Variants in HSPD1 observed in about 807,000 individuals in gnomAD.
HSPD1 encodes the protein 60 kDa heat shock protein, mitochondrial.
HSPD1 carries 3 observed loss-of-function variants against 53.0 expected under a neutral mutation model. The ratio of observed to expected loss-of-function variants is 0.06; its 90% CI spans 0.03 to 0.15. The LOEUF (loss-of-function observed/expected upper bound fraction) is 0.15. Ranked by LOEUF, HSPD1 falls within the 10% of genes least tolerant of loss-of-function variation. The pLI is 1.00. For synonymous variants in HSPD1, 200 were observed against 228.0 expected (o/e 0.88, Z 1.10); for missense variants, 431 against 694.1 (o/e 0.62, Z 4.26).
At chr2:197,498,950 G>A (rs917648233) in intron 1 of HSPD1, 100 bp from the exon 2 acceptor site, 2 of 1,070,976 alleles carry the variant, frequency 1.9e-6, no homozygotes. Context: ...GTGAGATGCT[G>A]AGCCTGGCTG....
Position 197,499,439 on chromosome 2 carries a change from C to G in HSPD1, c.-3+343G>C, listed in dbSNP as rs554812963. On this transcript the variant is annotated intron_variant, in intron 1 of 11. Transcript: ENST00000388968. ...ACTGGAGGCGCGGTATCCCAGCTGC[C>G]TGCGGGGGAAAAAAGCGGTTCCCTC... 1.9e-5 allele frequency: 3 copies of G among 154,988 alleles called. No homozygotes were observed. The East Asian group carries it at 5.7e-4, about 30-fold the overall frequency. The allele number at this position is 154,988 out of a possible 1,614,324, so 9.6% of individuals were successfully genotyped here.
intron 8 of HSPD1, among the ~76,000 whole-genome samples, chr2:197,489,777 C>T (rs2086068630): frequency 6.6e-6 from 1 of 151,934 alleles, no homozygotes; most frequent in South Asian, 2.1e-4. Flanking sequence ...ATTGCTTGAA[C>T]CCAGAAGGTG....
Position 197,498,692 on chromosome 2 carries a change from C to A in HSPD1, c.157G>T (p.Val53Phe), listed in dbSNP as rs907548220. ...ACTGGTACCTTTGGCCCCATTGTAA[C>A]GGCCACAGCATCGGCTAAAAGGTCT... The part of the protein sequence containing the change: ...GVDLLADAVA[V>F]TMGPKGRTVI... Residue 53 changes from valine to phenylalanine, a missense_variant, in exon 2 of 12, where the codon GTT becomes TTT. Coordinates refer to ENST00000388968, the MANE Select transcript of HSPD1 (RefSeq NM_002156.5). 4 of 1,613,822 alleles carry A rather than the reference C, an allele frequency of 2.5e-6. No homozygotes were observed. The African/African-American group carries it at 5.3e-5, about 22-fold the overall frequency.
At chr2:197,492,291 A>G (rs1023328138) in intron 7 of HSPD1, among the ~76,000 whole-genome samples, 2 of 152,212 alleles carry the variant, frequency 1.3e-5, no homozygotes, top group African/African-American at 4.8e-5. Flanking sequence ...CCCAGATTCA[A>G]GTGATTCTCC....
chr2:197,489,525 G>A lies in HSPD1; in HGVS notation c.970-278C>T, dbSNP rs2086065311. ...CTGGTAGAGCCAGGACAAGACCATA[G>A]GCCTTGACTCTCAAGTCCTACATCC... On this transcript the variant is annotated intron_variant, in intron 8 of 11. Transcript: ENST00000388968. 1.3e-5 allele frequency among the ~76,000 whole-genome samples: 2 copies of A among 152,082 alleles called. 1 individual carries two copies. Among genetic ancestry groups the A allele is most frequent in the African/African-American group, 4.8e-5 (2 of 41,428 alleles).
intron 10 of HSPD1, 49 bp from the exon 11 acceptor site, chr2:197,488,085 G>A (rs1216665186): frequency 7.7e-7 from 1 of 1,292,094 alleles, no homozygotes; most frequent in Non-Finnish European, 1.1e-6. Flanking sequence ...TGTAAATATT[G>A]TAACACATTT....
intron 4 of HSPD1, 133 bp downstream of exon 4, chr2:197,495,161 G>A: frequency 1.5e-6 from 1 of 679,820 alleles, no homozygotes; most frequent in Non-Finnish European, 2.7e-6. Flanking sequence ...GGTTTTAGCA[G>A]TAAGAAACAA....
intron 11 of HSPD1, 133 bp downstream of exon 11, chr2:197,487,725 G>T: frequency 1.4e-6 from 1 of 716,108 alleles, no homozygotes; most frequent in Non-Finnish European, 2.5e-6. Context: ...AATTGTTGAT[G>T]GGCACAAGAG....
chr2:197,487,731 A>G, intron 11 of HSPD1, 127 bp downstream of exon 11: 1 of 743,000 alleles, frequency 1.3e-6, no homozygotes, highest in Admixed American at 2.1e-5. Context: ...TGATGGGCAC[A>G]AGAGCTATTG....
upstream of HSPD1, chr2:197,500,236 C>A: frequency 1.5e-6 from 1 of 668,108 alleles, no homozygotes; most frequent in Non-Finnish European, 2.6e-6. Flanking sequence ...CAGCGTCCTG[C>A]GCAGGGCCCT....
intron 3 of HSPD1, among the ~76,000 whole-genome samples, chr2:197,496,278 G>A: frequency 6.6e-6 from 1 of 152,178 alleles, no homozygotes; most frequent in East Asian, 1.9e-4. Context: ...AATGCAAGGT[G>A]CTGGTAAGTC....
At chr2:197,493,593 G>T (rs1157836291) in intron 6 of HSPD1, 101 bp from the exon 7 acceptor site, 29 of 854,156 alleles carry the variant, frequency 3.4e-5, no homozygotes, top group Non-Finnish European at 5.4e-5. Flanking sequence ...AAATTCACCA[G>T]TGAGTTGGTT....
chr2:197,496,143 A>C (rs2086154588), intron 3 of HSPD1, among the ~76,000 whole-genome samples: 1 of 152,172 alleles, frequency 6.6e-6, no homozygotes, highest in African/African-American at 2.4e-5. Context: ...AAATCCCCTC[A>C]ATTTAGTACG....
At chr2:197,490,075 A>G in intron 8 of HSPD1, 122 bp downstream of exon 8, 1 of 791,440 alleles carries the variant, frequency 1.3e-6, no homozygotes, top group South Asian at 1.4e-5. Context: ...TCCAACCCCT[A>G]CCTTCCAAAG....
At position 197,493,427 on chromosome 2, in the gene HSPD1, A is replaced by C. The variant is rs767643062; in HGVS notation, c.766T>G (p.Ser256Ala). 1 of 1,612,922 alleles carries C rather than the reference A, an allele frequency of 6.2e-7. No homozygotes were observed. The highest frequency in any genetic ancestry group is 8.5e-7 in the Non-Finnish European group (1 of 1,178,868). Residue 256 changes from serine to alanine, a missense_variant, in exon 7 of 12, where the codon TCC becomes GCC. By Grantham distance (99) the Ser-to-Ala change is moderately conservative (BLOSUM62 1). Transcript: ENST00000388968. ...GCAATTTCAAGAGCAGGTACAATGG[A>C]CTGGATACTAGAAATTTTCTTTTCA... is the stretch of plus-strand genomic sequence containing the variant. ...LSEKKISSIQ[S>A]IVPALEIANA... is the part of the protein sequence containing the mutation.
At position 197,487,777 on chromosome 2, in the gene HSPD1, C is replaced by CA. The variant is rs1289429624; in HGVS notation, c.1569+80dup. On this transcript the variant is annotated intron_variant, in intron 11 of 11. Coordinates refer to ENST00000388968, the MANE Select transcript of HSPD1 (RefSeq NM_002156.5). Reference sequence around the variant, plus strand: ...TGCTATTAGACTATTTTTCTGGTGACAAAATCAAAGATTTGGGATGTGAGG... The same window carrying CA: ...TGCTATTAGACTATTTTTCTGGTGACAAAAATCAAAGATTTGGGATGTGAGG... The CA allele has an allele frequency of 2.3e-5, 28 of 1,222,976 alleles. No individual in the cohort carries two copies. In the African/African-American group the frequency reaches 3.1e-4, roughly 14 times the overall value. The allele number at this position is 1,222,976 out of a possible 1,614,324, so 75.8% of individuals were successfully genotyped here. A position where few individuals can be genotyped will look rare whatever the true frequency, so the allele number is the denominator to read the frequency against.
chr2:197,490,547 C>T (rs895583686), intron 7 of HSPD1: 11 of 463,650 alleles, frequency 2.4e-5, no homozygotes, highest in African/African-American at 2.2e-4. Flanking sequence ...AACTGTTGGC[C>T]TGGCCGGGCG....
rs1448309036 is a variant in HSPD1 at position 197,493,437 on chromosome 2, A to G, written c.756T>C (p.Ser252=). The change falls in exon 7 of 12, where the codon TCT becomes TCC. Residue 252 remains serine, a synonymous_variant. Coordinates refer to ENST00000388968, the MANE Select transcript of HSPD1 (RefSeq NM_002156.5). The stretch of plus-strand genomic sequence containing the variant: ...GAGCAGGTACAATGGACTGGATACT[A>G]GAAATTTTCTTTTCACTCAACAGAA... ...AYVLLSEKKI[S]SIQSIVPALE... 6.2e-7 allele frequency: 1 copy of G among 1,613,014 alleles called. No homozygotes were observed. Among genetic ancestry groups the G allele is most frequent in the African/African-American group, 1.3e-5 (1 of 74,930 alleles).
At chr2:197,488,266 TA>T in intron 10 of HSPD1, 50 bp downstream of exon 10, 1 of 1,533,572 alleles carries the variant, frequency 6.5e-7, no homozygotes, top group Non-Finnish European at 9.0e-7. Flanking sequence ...ATTATTATTC[TA>T]AGAAAAACTA....
Sources: gnomAD v4.1 joint callset for allele counts (sites outside exome capture counted in the v4.1 genomes callset) on GRCh38, gnomAD v4.1.1 for gene constraint, MANE v1.5 for transcripts, NCBI Gene and HGNC (gene_info 2026-07-23, HGNC 2026-07-21) for gene names.